The following CCNT2 variants were observed in gnomAD, a reference collection of about 807,000 sequenced individuals.
CCNT2 encodes cyclin T2.
In CCNT2, 18 loss-of-function variants were observed where a neutral mutation model predicts 70.0. The observed-to-expected ratio is 0.26, with a 90% CI of 0.18 to 0.38. CCNT2 has a LOEUF of 0.38. Among genes scored for constraint, CCNT2 ranks in the 10% least tolerant of loss-of-function variants. The pLI, the probability that CCNT2 is intolerant of heterozygous loss-of-function variation, is 1.00. For missense variants in CCNT2, 734 were observed against 890.2 expected, an observed-to-expected ratio of 0.82 and a Z score of 2.23; for synonymous variants, 334 against 313.3, an observed-to-expected ratio of 1.07 and a Z score of -0.70.
chr2:134,953,180 A>T (rs777019755), intron 8 of CCNT2, 50 bp from the exon 9 acceptor site: 1 of 1,291,586 alleles, frequency 7.7e-7, no homozygotes, highest in East Asian at 2.3e-5. Flanking sequence ...AGAAATTTGC[A>T]TTAAATTATT....
intron 4 of CCNT2, among the ~76,000 whole-genome samples, chr2:134,939,989 G>C (rs1254668439): frequency 6.6e-6 from 1 of 152,180 alleles, no homozygotes; most frequent in Admixed American, 6.5e-5. Context: ...GGAGATCCAA[G>C]TTAAAATCTG....
At chr2:134,931,683 G>C (rs561758888) in intron 2 of CCNT2, among the ~76,000 whole-genome samples, 1 of 152,148 alleles carries the variant, frequency 6.6e-6, no homozygotes, top group Non-Finnish European at 1.5e-5. Context: ...TCGAAGGAAA[G>C]TGGCCTTTTG....
At chr2:134,924,250 T>C (rs905486634) in intron 2 of CCNT2, among the ~76,000 whole-genome samples, 2 of 152,228 alleles carry the variant, frequency 1.3e-5, no homozygotes, top group Non-Finnish European at 2.9e-5. Flanking sequence ...AGTGCTGTAG[T>C]GTAACTGTAC....
chr2:134,927,784 A>T (rs1680404602), intron 2 of CCNT2, among the ~76,000 whole-genome samples: 1 of 152,136 alleles, frequency 6.6e-6, no homozygotes, highest in African/African-American at 2.4e-5. Context: ...ATATTTACAC[A>T]TGTTCTAGGG....
At chr2:134,951,260 A>T (rs1424892892) in intron 7 of CCNT2, among the ~76,000 whole-genome samples, 1 of 152,146 alleles carries the variant, frequency 6.6e-6, no homozygotes, top group East Asian at 1.9e-4. Context: ...TGCTATTACA[A>T]AATGAACCTG....
intron 2 of CCNT2, among the ~76,000 whole-genome samples, chr2:134,932,829 C>A (rs1680876225): frequency 6.6e-6 from 1 of 152,220 alleles, no homozygotes; most frequent in South Asian, 2.1e-4. Context: ...TCTTGTCTTT[C>A]CTCTACTTTC....
At chr2:134,925,377 G>GT (rs1443001883) in intron 2 of CCNT2, among the ~76,000 whole-genome samples, 1 of 151,922 alleles carries the variant, frequency 6.6e-6, no homozygotes. Flanking sequence ...GGGTTTGTGG[G>GT]TTTTTTTAAG....
At chr2:134,939,945 T>A (rs1375719380) in intron 4 of CCNT2, among the ~76,000 whole-genome samples, 1 of 152,314 alleles carries the variant, frequency 6.6e-6, no homozygotes, top group Middle Eastern at 3.4e-3. Flanking sequence ...TGGAAGAACC[T>A]ACTAGGATGT....
At chr2:134,921,970 T>G (rs1170818767) in intron 2 of CCNT2, among the ~76,000 whole-genome samples, 1 of 152,244 alleles carries the variant, frequency 6.6e-6, no homozygotes, top group Admixed American at 6.5e-5. Flanking sequence ...TGTCTTTTTT[T>G]ACCTTTGCTA....
chr2:134,939,116 T>G (rs371398546), intron 4 of CCNT2, 54 bp downstream of exon 4: 1 of 1,127,126 alleles, frequency 8.9e-7, no homozygotes, highest in East Asian at 2.4e-5. Context: ...TAAAGCATTC[T>G]AAATAAGTGA....
At chr2:134,949,166 G>C (rs769890526) in intron 7 of CCNT2, among the ~76,000 whole-genome samples, 1 of 152,112 alleles carries the variant, frequency 6.6e-6, no homozygotes, top group Non-Finnish European at 1.5e-5. Context: ...GACCATAGGC[G>C]CATGCCACCA....
chr2:134,944,568 A>G (rs1273713883), intron 5 of CCNT2: 4 of 972,010 alleles, frequency 4.1e-6, no homozygotes, highest in Middle Eastern at 5.3e-4. Context: ...AAAAACTACA[A>G]ATTTGATATG....
chr2:134,934,891 A>G (rs1573810435), intron 2 of CCNT2, among the ~76,000 whole-genome samples: 1 of 152,192 alleles, frequency 6.6e-6, no homozygotes, highest in African/African-American at 2.4e-5. Context: ...TGAAGGCTTG[A>G]TTAACCATTC....
In CCNT2 at chr2:134,954,164, C is replaced by A; in HGVS notation, c.1709C>A (p.Thr570Asn). 6.2e-7 allele frequency: 1 copy of A among 1,614,198 alleles called. No individual in the cohort carries two copies. The highest frequency in any genetic ancestry group is 8.5e-7 in the Non-Finnish European group (1 of 1,180,032). ...HKEHPSSRHH[T>N]SSHKHSHSHS... ...GAGCATCCTTCAAGCCGCCACCACA[C>A]CAGCAGCCACAAGCATTCCCACTCG... is the stretch of plus-strand genomic sequence containing the variant. Residue 570 changes from threonine to asparagine, a missense_variant, in exon 9 of 9, where the codon ACC becomes AAC. This residue lies in a region of CCNT2 where 532 missense variants were observed against 556.9 expected (regional missense o/e 0.96). Coordinates refer to ENST00000264157, the MANE Select transcript of CCNT2 (RefSeq NM_058241.3).
At chr2:134,946,179 G>A (rs1401173987) in intron 6 of CCNT2, 33 bp downstream of exon 6, 4 of 1,606,584 alleles carry the variant, frequency 2.5e-6, no homozygotes, top group African/African-American at 1.3e-5. Flanking sequence ...TTGCACTGTT[G>A]TAGCACACTA....
intron 2 of CCNT2, among the ~76,000 whole-genome samples, chr2:134,935,577 A>C (rs1455376728): frequency 6.6e-6 from 1 of 152,184 alleles, no homozygotes; most frequent in Non-Finnish European, 1.5e-5. Context: ...TCTCTTGAAA[A>C]ATGGGTACTC....
At position 134,947,739 on chromosome 2, in the gene CCNT2, G is replaced by A; in HGVS notation, c.543G>A (p.Leu181=). 6 of 1,479,050 alleles carry A rather than the reference G, an allele frequency of 4.1e-6. No individual in the cohort carries two copies. The highest frequency in any genetic ancestry group is 2.9e-5 in the South Asian group (2 of 68,038). 91.6% of individuals were successfully genotyped at this position (1,479,050 alleles called of 1,614,324 possible). A position where few individuals can be genotyped will look rare whatever the true frequency, so the allele number is the denominator to read the frequency against. The change falls in exon 7 of 9, where the codon CTG becomes CTA. Residue 181 remains leucine, a synonymous_variant. Coordinates refer to ENST00000264157, the MANE Select transcript of CCNT2 (RefSeq NM_058241.3). ...TTTCAAACCTGCTCTGCAACAGTCT[G>A]CATCTTACAACCTTCTGTCTTCAGT... ...QTSYFMATNS[L]HLTTFCLQYK...
At chr2:134,920,292 ATTAAATTAAT>A (rs1353741226) in intron 2 of CCNT2, 1 of 152,882 alleles carries the variant, frequency 6.5e-6, no homozygotes, top group Non-Finnish European at 1.5e-5. Flanking sequence ...GTCAATTGAG[ATTAAATTAAT>A]TATGACATTC....
intron 6 of CCNT2, 154 bp from the exon 7 acceptor site, chr2:134,947,582 A>T (rs1252500627): frequency 6.9e-6 from 3 of 436,928 alleles, no homozygotes; most frequent in Non-Finnish European, 1.1e-5. Flanking sequence ...CTAGAATTTT[A>T]TAACTTAGCT....
Sources: allele counts gnomAD v4.1 joint callset (sites outside exome capture counted in the v4.1 genomes callset), GRCh38; gene constraint gnomAD v4.1.1; regional missense constraint gnomAD v4.1.1; transcripts MANE v1.5; gene names NCBI Gene and HGNC (gene_info 2026-07-23, HGNC 2026-07-21).